FAT3: variants seen among roughly 807,000 people sequenced by gnomAD.
FAT3 encodes FAT atypical cadherin 3.
A neutral mutation model predicts 310.2 loss-of-function variants in FAT3; 95 were observed. The ratio of observed to expected loss-of-function variants is 0.31; its 90% CI spans 0.26 to 0.36. FAT3 has a LOEUF of 0.36. FAT3 is among the 10% of genes least tolerant of loss of function. The probability of loss-of-function intolerance (pLI) is 1.00; values close to 1 mark genes in which losing one functional copy is unlikely to be tolerated. For synonymous variants in FAT3, 2,314 were observed against 2,192.9 expected (o/e 1.06, Z -1.54); for missense variants, 5,408 against 5,715.6 (o/e 0.95, Z 1.74).
intron 2 of FAT3, among the ~76,000 whole-genome samples, chr11:92,484,504 G>A (rs917163620): frequency 6.6e-6 from 1 of 152,138 alleles, no homozygotes; most frequent in Non-Finnish European, 1.5e-5. Context: ...GGGAAAGGGC[G>A]ATGATGAAAA....
chr11:92,786,744 T>C (rs1401760868), intron 7 of FAT3, among the ~76,000 whole-genome samples: 1 of 152,122 alleles, frequency 6.6e-6, no homozygotes, highest in Non-Finnish European at 1.5e-5. Context: ...GATCCAACCA[T>C]CCCAATTCTA....
chr11:92,383,041 A>G (rs1381266993), intron 2 of FAT3, among the ~76,000 whole-genome samples: 1 of 152,128 alleles, frequency 6.6e-6, no homozygotes, highest in Non-Finnish European at 1.5e-5. Context: ...CCATGTGTCC[A>G]TGTGTTCTCA....
intron 1 of FAT3, among the ~76,000 whole-genome samples, chr11:92,285,688 C>G (rs1197114969): frequency 6.6e-6 from 1 of 152,110 alleles, no homozygotes; most frequent in Non-Finnish European, 1.5e-5. Flanking sequence ...GTTATCTTGG[C>G]AGAAGAATCA....
intron 7 of FAT3, among the ~76,000 whole-genome samples, chr11:92,776,361 T>C (rs926754509): frequency 2.6e-5 from 4 of 152,176 alleles, no homozygotes; most frequent in African/African-American, 9.7e-5. Flanking sequence ...ACAAAAATTA[T>C]CAATGATACT....
chr11:92,684,739 C>A (rs1000832412), intron 3 of FAT3, among the ~76,000 whole-genome samples: 7 of 152,162 alleles, frequency 4.6e-5, no homozygotes, highest in African/African-American at 1.7e-4. Context: ...TGCCTCTCCC[C>A]ACACCCCCAT....
intron 3 of FAT3, among the ~76,000 whole-genome samples, chr11:92,683,658 A>G (rs7936016): frequency 0.096 from 14,598 of 152,190 alleles, 1,008 homozygotes; most frequent in Non-Finnish European, 0.14. Context: ...TTGAAAGCCA[A>G]CCACCCCAGT....
At chr11:92,627,959 C>G (rs1941397850) in intron 3 of FAT3, among the ~76,000 whole-genome samples, 1 of 152,188 alleles carries the variant, frequency 6.6e-6, no homozygotes, top group Non-Finnish European at 1.5e-5. Context: ...GGAGACAGGT[C>G]TGAGTCAGAG....
At position 92,885,390 on chromosome 11, in the gene FAT3, C is replaced by T. The variant is rs77283265; in HGVS notation, c.12938-1610C>T. On this transcript the variant is annotated intron_variant, in intron 24 of 27. Coordinates refer to ENST00000525166, the MANE Select transcript of FAT3 (RefSeq NM_001367949.2). ...GCAAAAGGAGAAGTTAGGATTAAAA[C>T]CTGTGCTCTTACCAGCACTGTTCTT... 7.4e-3 allele frequency among the ~76,000 whole-genome samples: 1,128 copies of T among 152,234 alleles called. 15 individuals carry two copies. The highest frequency in any genetic ancestry group is 0.026 in the African/African-American group (1,080 of 41,534).
In FAT3 at chr11:92,284,437, C is replaced by A. The variant is rs536444534; in HGVS notation, c.-18+59263C>A. ...TACTACTCACTAGTTTTTGTTCCAA[C>A]TCTTAGGACTCCATCTATTAGATTT... On this transcript the variant is annotated intron_variant, in intron 1 of 27. Coordinates refer to ENST00000525166, the MANE Select transcript of FAT3 (RefSeq NM_001367949.2). 3.9e-5 allele frequency among the ~76,000 whole-genome samples: 6 copies of A among 152,138 alleles called. No individual in the cohort carries two copies. The East Asian group carries it at 1.2e-3, about 29-fold the overall frequency.
At chr11:92,368,891 TAC>T (rs548274447) in intron 2 of FAT3, among the ~76,000 whole-genome samples, 6 of 123,784 alleles carry the variant, frequency 4.8e-5, no homozygotes, top group East Asian at 4.0e-4. Context: ...CACATATATA[TAC>T]ACACACACAT....
In FAT3 at chr11:92,883,248, C is replaced by A. The variant is rs1192115610; in HGVS notation, c.12792C>A (p.Thr4264=). The change falls in exon 24 of 28, where the codon ACC becomes ACA. Residue 4264 remains threonine (T), a synonymous_variant. Coordinates refer to ENST00000525166, the MANE Select transcript of FAT3 (RefSeq NM_001367949.2). This position sits in a 1 kb window ranked among gnomAD's most constrained non-coding sequence, Gnocchi z 4.2. ...DGLGGEHQEM[T]TFHPESPRIL... ...TGGGAGGCGAGCACCAGGAAATGAC[C>A]ACGTTTCACCCTGAGTCGCCCCGCA... 1 of 1,612,928 alleles carries A rather than the reference C, an allele frequency of 6.2e-7. No individual in the cohort carries two copies. Among genetic ancestry groups the A allele is most frequent in the Non-Finnish European group, 8.5e-7 (1 of 1,179,840 alleles).
chr11:92,267,938 C>G (rs1946013989), intron 1 of FAT3, among the ~76,000 whole-genome samples: 1 of 151,530 alleles, frequency 6.6e-6, no homozygotes, highest in South Asian at 2.1e-4. Flanking sequence ...AGCGCTTTGT[C>G]TTGTAGGTGC....
chr11:92,657,410 C>T (rs1942622877), intron 3 of FAT3, among the ~76,000 whole-genome samples: 2 of 152,188 alleles, frequency 1.3e-5, no homozygotes, highest in Non-Finnish European at 2.9e-5. Context: ...TTATTCTCTG[C>T]ATTGTGGGCA....
chr11:92,524,613 C>T, intron 2 of FAT3, 21 bp from the exon 3 acceptor site: 1 of 1,601,868 alleles, frequency 6.2e-7, no homozygotes, highest in Non-Finnish European at 8.5e-7. Flanking sequence ...GTGACAGTAA[C>T]ACTTCTCTTT....
chr11:92,705,252 G>T (rs1254308233), intron 4 of FAT3, among the ~76,000 whole-genome samples: 9 of 152,084 alleles, frequency 5.9e-5, no homozygotes. Context: ...GCTAGTTAGG[G>T]ATGGCCATTG....
At chr11:92,767,989 T>C (rs1307477397) in intron 6 of FAT3, among the ~76,000 whole-genome samples, 1 of 152,014 alleles carries the variant, frequency 6.6e-6, no homozygotes, top group South Asian at 2.1e-4. Context: ...AATAGAAACA[T>C]CATTGGTCCA....
At chr11:92,229,643 GTCTAGTGGCTTCAAGCCAGTT>G (rs1157820255) in intron 1 of FAT3, among the ~76,000 whole-genome samples, 8 of 150,948 alleles carry the variant, frequency 5.3e-5, no homozygotes, top group African/African-American at 1.9e-4. Flanking sequence ...TTTGACACTT[GTCTAGTGGCTTCAAGCCAGTT>G]TCTGGTCTAC....
chr11:92,831,078 T>A (rs2136257328), intron 13 of FAT3, among the ~76,000 whole-genome samples: 1 of 152,214 alleles, frequency 6.6e-6, no homozygotes, highest in South Asian at 2.1e-4. Context: ...AGGGATCCTG[T>A]TAAAATCTAC....
At chr11:92,854,385 A>G (rs1730855849) in intron 19 of FAT3, among the ~76,000 whole-genome samples, 1 of 152,106 alleles carries the variant, frequency 6.6e-6, no homozygotes. Context: ...CCAGGAGTGC[A>G]GGGTTCACAC....
Sources: allele counts gnomAD v4.1 joint callset (sites outside exome capture counted in the v4.1 genomes callset), GRCh38; gene constraint gnomAD v4.1.1; non-coding constraint Gnocchi (gnomAD v3.1); transcripts MANE v1.5; gene names NCBI Gene and HGNC (gene_info 2026-07-23, HGNC 2026-07-21).